UBE2U: variants seen among roughly 807,000 people sequenced by gnomAD.
The protein encoded by UBE2U is ubiquitin-conjugating enzyme E2 U.
In UBE2U, 39 loss-of-function variants were observed where a neutral mutation model predicts 41.2. The observed-to-expected ratio is 0.95, with a 90% CI of 0.73 to 1.24. The LOEUF (loss-of-function observed/expected upper bound fraction) is 1.24. Among genes scored for constraint, UBE2U ranks in the 50% most tolerant of loss-of-function variants. UBE2U has a pLI of 0.00. For missense variants in UBE2U, 336 were observed against 363.1 expected (o/e 0.93, Z 0.61); for synonymous variants, 107 against 117.8 (o/e 0.91, Z 0.60).
chr1:64,244,928 A>G (rs1644895531), intron 8 of UBE2U, among the ~76,000 whole-genome samples: 1 of 152,200 alleles, frequency 6.6e-6, no homozygotes, highest in Admixed American at 6.5e-5. Context: ...ATGTGAAGAA[A>G]GTTCATTTTA....
intron 8 of UBE2U, among the ~76,000 whole-genome samples, chr1:64,250,046 A>G (rs569537592): frequency 1.5e-3 from 223 of 152,320 alleles, no homozygotes; most frequent in Non-Finnish European, 2.9e-3. Context: ...CATGTTACAC[A>G]TAAAGGAGCA....
At chr1:64,234,331 T>C (rs1208311150) in intron 7 of UBE2U, among the ~76,000 whole-genome samples, 3 of 152,208 alleles carry the variant, frequency 2.0e-5, no homozygotes, top group African/African-American at 7.2e-5. Context: ...CTTAGATGTT[T>C]CCTACATCTC....
chr1:64,250,301 C>T (rs1011110361), intron 8 of UBE2U, among the ~76,000 whole-genome samples: 3 of 152,146 alleles, frequency 2.0e-5, no homozygotes, highest in Non-Finnish European at 4.4e-5. Context: ...AATGAACAAC[C>T]TGAGTAATCC....
intron 8 of UBE2U, among the ~76,000 whole-genome samples, chr1:64,259,618 T>G (rs1645150421): frequency 1.3e-5 from 2 of 152,058 alleles, no homozygotes; most frequent in African/African-American, 4.8e-5. Context: ...AAAACATTTC[T>G]ATGCCACCTA....
chr1:64,263,966 T>A (rs1323867212), intron 9 of UBE2U, among the ~76,000 whole-genome samples: 1 of 152,244 alleles, frequency 6.6e-6, no homozygotes, highest in Non-Finnish European at 1.5e-5. Context: ...CTCGTGTCAG[T>A]GCATCAGACT....
intron 2 of UBE2U, among the ~76,000 whole-genome samples, chr1:64,206,462 G>A (rs1651302402): frequency 1.3e-5 from 2 of 151,546 alleles, no homozygotes; most frequent in African/African-American, 4.8e-5. Flanking sequence ...AAGAAAGGGT[G>A]TAGCAGATTT....
chr1:64,261,600 G>C (rs953002844), intron 9 of UBE2U, among the ~76,000 whole-genome samples: 4 of 152,082 alleles, frequency 2.6e-5, no homozygotes, highest in Non-Finnish European at 5.9e-5. Flanking sequence ...TAATTGTTTG[G>C]TGTGCCACGC....
At position 64,203,926 on chromosome 1, in the gene UBE2U, T is replaced by G; in HGVS notation, c.-125T>G. The G allele has an allele frequency of 1.4e-6, 1 of 723,674 alleles. No individual in the cohort carries two copies. The highest frequency in any genetic ancestry group is 2.2e-6 in the Non-Finnish European group (1 of 453,572). 44.8% of individuals were successfully genotyped at this position (723,674 alleles called of 1,614,324 possible). ...CGCTTATCTTGGTACCGTTCTGAGGTTCTAGAAAGCAAGTAACTTATATCA... is the reference window on the plus strand; with the variant it reads ...CGCTTATCTTGGTACCGTTCTGAGGGTCTAGAAAGCAAGTAACTTATATCA... On this transcript the variant is annotated 5_prime_UTR_variant, in exon 1 of 10. Coordinates refer to ENST00000371077, the MANE Select transcript of UBE2U (RefSeq NM_001366232.2).
rs142742779 is a variant in UBE2U, at chr1:64,263,914, A to G, written c.770-3110A>G. On this transcript the variant is annotated intron_variant, in intron 9 of 9. Coordinates refer to ENST00000371077, the MANE Select transcript of UBE2U (RefSeq NM_001366232.2). The stretch of plus-strand genomic sequence containing the variant: ...TTTTTGTCCCACTTTGGGTGGCTAA[A>G]TGTGTGCAGCCTCTTGTACTCTATG... Among the ~76,000 whole-genome samples, 367 of 152,288 alleles carry G rather than the reference A, an allele frequency of 2.4e-3. 2 individuals carry two copies. Among genetic ancestry groups the G allele is most frequent in the African/African-American group, 8.3e-3 (346 of 41,556 alleles).
At chr1:64,241,843 T>TTA in intron 8 of UBE2U, 110 bp downstream of exon 8, 1 of 722,686 alleles carries the variant, frequency 1.4e-6, no homozygotes, top group Non-Finnish European at 2.3e-6. Context: ...AAATAACAAC[T>TTA]TATACCCTTT....
intron 6 of UBE2U, among the ~76,000 whole-genome samples, chr1:64,232,306 TTATAA>T (rs1644582433): frequency 1.3e-5 from 2 of 152,234 alleles, no homozygotes; most frequent in African/African-American, 4.8e-5. Flanking sequence ...ATTTTTCTTT[TTATAA>T]TATACATGTG....
chr1:64,249,940 A>G (rs1268966364), intron 8 of UBE2U, among the ~76,000 whole-genome samples: 1 of 152,120 alleles, frequency 6.6e-6, no homozygotes, highest in Non-Finnish European at 1.5e-5. Flanking sequence ...ACAGAAATAT[A>G]AAGAAGCCAT....
chr1:64,239,116 A>G (rs56218567), intron 7 of UBE2U, among the ~76,000 whole-genome samples: 1,052 of 34,276 alleles, frequency 0.031, 6 homozygotes, highest in Non-Finnish European at 0.035. Flanking sequence ...AAGAAGAAGA[A>G]GAAGAAGAAG....
chr1:64,256,429 C>A (rs1445928102), intron 8 of UBE2U, among the ~76,000 whole-genome samples: 1 of 152,028 alleles, frequency 6.6e-6, no homozygotes, highest in Non-Finnish European at 1.5e-5. Context: ...AGACATAGAC[C>A]AATGGAACAG....
chr1:64,260,513 CATTTCATTT>C (rs1645164274), intron 8 of UBE2U, 81 bp from the exon 9 acceptor site: 1 of 954,158 alleles, frequency 1.0e-6, no homozygotes, highest in African/African-American at 1.7e-5. Flanking sequence ...TTTTATGTTT[CATTTCATTT>C]GTTTCACTTA....
At chr1:64,254,275 C>A (rs1645057627) in intron 8 of UBE2U, among the ~76,000 whole-genome samples, 1 of 152,140 alleles carries the variant, frequency 6.6e-6, no homozygotes, top group Non-Finnish European at 1.5e-5. Context: ...TCTTAGAGGC[C>A]TACAAAGAGA....
At chr1:64,225,013 CT>C (rs1482749962) in intron 6 of UBE2U, among the ~76,000 whole-genome samples, 1 of 151,962 alleles carries the variant, frequency 6.6e-6, no homozygotes, top group Non-Finnish European at 1.5e-5. Context: ...AATCCCAATT[CT>C]TCCATTTACT....
chr1:64,215,874 C>A (rs557213984), intron 5 of UBE2U, among the ~76,000 whole-genome samples: 8 of 152,154 alleles, frequency 5.3e-5, no homozygotes, highest in Non-Finnish European at 1.0e-4. Context: ...TTCTTGTGCA[C>A]AGAAGGGTTT....
intron 8 of UBE2U, among the ~76,000 whole-genome samples, chr1:64,248,412 T>C (rs187327488): frequency 2.2e-4 from 33 of 152,324 alleles, no homozygotes. Context: ...TAGAAAATGT[T>C]ACCAAAAGTC....
Sources: allele counts gnomAD v4.1 joint callset (sites outside exome capture counted in the v4.1 genomes callset), GRCh38; gene constraint gnomAD v4.1.1; transcripts MANE v1.5; gene names NCBI Gene and HGNC (gene_info 2026-07-23, HGNC 2026-07-21).